Variants in NELL2 observed in about 807,000 individuals in gnomAD.
The protein encoded by NELL2 is neural EGFL like 2, also known as protein kinase C-binding protein NELL2.
In NELL2, 41 loss-of-function variants were observed where a neutral mutation model predicts 109.6. The ratio of observed to expected loss-of-function variants is 0.37; its 90% CI spans 0.29 to 0.49. The LOEUF (loss-of-function observed/expected upper bound fraction) is 0.49, where lower values mean the gene tolerates loss of function less well. Among genes scored for constraint, NELL2 ranks in the 20% least tolerant of loss-of-function variants. The probability of loss-of-function intolerance (pLI) is 0.98; values close to 1 mark genes in which losing one functional copy is unlikely to be tolerated. For synonymous variants in NELL2, 355 were observed against 344.7 expected (o/e 1.03, Z -0.33); for missense variants, 900 against 1,008.3 (o/e 0.89, Z 1.45).
chr12:44,855,282 T>C (rs1944650841), intron 2 of NELL2, among the ~76,000 whole-genome samples: 1 of 152,202 alleles, frequency 6.6e-6, no homozygotes, highest in Non-Finnish European at 1.5e-5. Context: ...TATAGATTCC[T>C]GGGATTCATC....
chr12:44,603,183 G>A (rs1945281439), intron 15 of NELL2, among the ~76,000 whole-genome samples: 1 of 151,314 alleles, frequency 6.6e-6, no homozygotes, highest in Non-Finnish European at 1.5e-5. Flanking sequence ...TTGATATGTG[G>A]CTAAGAAATC....
intron 12 of NELL2, among the ~76,000 whole-genome samples, chr12:44,671,191 C>A (rs1948127615): frequency 6.6e-6 from 1 of 152,082 alleles, no homozygotes; most frequent in Non-Finnish European, 1.5e-5. Context: ...CCTGAGCAAC[C>A]ACTGGGCCAA....
intron 15 of NELL2, among the ~76,000 whole-genome samples, chr12:44,573,270 C>T (rs1943940646): frequency 6.6e-6 from 1 of 151,986 alleles, no homozygotes; most frequent in Admixed American, 6.6e-5. Context: ...TGAGATAGGG[C>T]AGAAAGAAGC....
intron 2 of NELL2, among the ~76,000 whole-genome samples, chr12:44,855,492 G>A (rs748921404): frequency 3.0e-4 from 45 of 152,042 alleles, no homozygotes; most frequent in Admixed American, 7.2e-4. Flanking sequence ...TTTATTGTAC[G>A]GGCTAAAAAT....
intron 8 of NELL2, among the ~76,000 whole-genome samples, chr12:44,775,238 T>TGTGCGTGCACACGCACGCACACACACAG (rs1941709224): frequency 6.7e-6 from 1 of 148,808 alleles, no homozygotes; most frequent in African/African-American, 2.6e-5. Flanking sequence ...CACACACACA[T>TGTGCGTGCACACGCACGCACACACACAG]GCATGTGCGT....
chr12:44,546,496 A>G (rs1306273851), intron 15 of NELL2, among the ~76,000 whole-genome samples: 3 of 152,180 alleles, frequency 2.0e-5, no homozygotes, highest in African/African-American at 7.2e-5. Context: ...GGAAAAATAT[A>G]CCAACTGAGC....
intron 9 of NELL2, among the ~76,000 whole-genome samples, chr12:44,773,576 T>C (rs1400513918): frequency 6.6e-6 from 1 of 152,206 alleles, no homozygotes; most frequent in Admixed American, 6.5e-5. Flanking sequence ...TTCCTTCCTC[T>C]TTCTAACCAC....
intron 19 of NELL2, among the ~76,000 whole-genome samples, chr12:44,513,952 C>CAA (rs150651038): frequency 0.028 from 3,492 of 122,906 alleles, 143 homozygotes; most frequent in African/African-American, 0.09. Context: ...AAATAAAGAC[C>CAA]AAAAAAAAAA....
intron 2 of NELL2, among the ~76,000 whole-genome samples, chr12:44,858,598 A>C (rs1362011602): frequency 1.3e-5 from 2 of 152,198 alleles, no homozygotes; most frequent in African/African-American, 2.4e-5. Flanking sequence ...ATCAATATCC[A>C]AGTCTCTACA....
intron 17 of NELL2, 23 bp from the exon 18 acceptor site, chr12:44,522,199 A>T: frequency 6.2e-7 from 1 of 1,607,580 alleles, no homozygotes; most frequent in Non-Finnish European, 8.5e-7. Flanking sequence ...GAAAAAAAGC[A>T]GTTACCAAAA....
In NELL2 at chr12:44,779,959, A is replaced by T; in HGVS notation, c.399T>A (p.Ser133Arg). The T allele has an allele frequency of 6.2e-7, 1 of 1,613,948 alleles. No individual in the cohort carries two copies. The highest frequency in any genetic ancestry group is 1.3e-5 in the African/African-American group (1 of 75,048). ...NEVRLHYRSG[S>R]HRPHTEVFPY... Reference sequence around the variant, plus strand: ...GAAACACTTCTGTGTGAGGGCGGTGACTGCCTGAGCGGTAATGCAGTCTGA... The same window carrying T: ...GAAACACTTCTGTGTGAGGGCGGTGTCTGCCTGAGCGGTAATGCAGTCTGA... The change falls in exon 4 of 20, where the codon AGT (serine) becomes AGA (arginine). Residue 133 changes from serine (S) to arginine (R), a missense_variant. Coordinates refer to ENST00000429094, the MANE Select transcript of NELL2 (RefSeq NM_001145108.2).
chr12:44,861,718 C>A (rs1944849779), intron 2 of NELL2, among the ~76,000 whole-genome samples: 1 of 152,230 alleles, frequency 6.6e-6, no homozygotes, highest in Admixed American at 6.5e-5. Context: ...TCCAGGCTAG[C>A]CCCACAGACC....
At chr12:44,684,872 T>C (rs1259036114) in intron 12 of NELL2, among the ~76,000 whole-genome samples, 1 of 152,116 alleles carries the variant, frequency 6.6e-6, no homozygotes, top group Non-Finnish European at 1.5e-5. Flanking sequence ...TGTGGTGTGG[T>C]GCTGAAAAAA....
At chr12:44,589,384 T>TTTTATTTATTTA (rs35746362) in intron 15 of NELL2, among the ~76,000 whole-genome samples, 5 of 149,892 alleles carry the variant, frequency 3.3e-5, no homozygotes, top group South Asian at 2.1e-4. Flanking sequence ...GAGACACTAC[T>TTTTATTTATTTA]TTTATTTATT....
In NELL2 at chr12:44,607,251, A is replaced by G; in HGVS notation, c.1581T>C (p.Asp527=). Reference sequence around the variant, plus strand: ...TACAGGCTCCTCCATTCCTACAGCCATCTTTGCAAAATGCTAAAATAATTC... The same window carrying G: ...TACAGGCTCCTCCATTCCTACAGCCGTCTTTGCAAAATGCTAAAATAATTC... The part of the protein sequence containing the change: ...NGTTCKAFCK[D]GCRNGGACIA... The change falls in exon 15 of 20, where the codon GAT becomes GAC. Residue 527 remains aspartate, a synonymous_variant. Coordinates refer to ENST00000429094, the MANE Select transcript of NELL2 (RefSeq NM_001145108.2). The G allele has an allele frequency of 6.2e-7, 1 of 1,612,180 alleles. No individual in the cohort carries two copies. Among genetic ancestry groups the G allele is most frequent in the Non-Finnish European group, 8.5e-7 (1 of 1,179,000 alleles).
At chr12:44,673,607 C>T (rs894413065) in intron 12 of NELL2, among the ~76,000 whole-genome samples, 4 of 152,154 alleles carry the variant, frequency 2.6e-5, no homozygotes, top group African/African-American at 9.7e-5. Context: ...AAAGAGTGCC[C>T]CACTGGGCCA....
intron 15 of NELL2, among the ~76,000 whole-genome samples, chr12:44,559,518 G>A (rs533719901): frequency 4.6e-5 from 7 of 152,070 alleles, no homozygotes; most frequent in African/African-American, 1.7e-4. Flanking sequence ...AAAACATCAG[G>A]GGTTGCAATC....
intron 2 of NELL2, among the ~76,000 whole-genome samples, chr12:44,855,124 A>T (rs553921608): frequency 3.9e-5 from 6 of 152,320 alleles, no homozygotes; most frequent in African/African-American, 1.4e-4. Flanking sequence ...GTATTTCTAT[A>T]CTTATATCAC....
intron 3 of NELL2, among the ~76,000 whole-genome samples, chr12:44,791,073 A>ATG: frequency 1.3e-4 from 1 of 7,816 alleles, no homozygotes; most frequent in African/African-American, 2.3e-4. Flanking sequence ...AAGTATATAT[A>ATG]TATATATACA....
Sources: allele counts gnomAD v4.1 joint callset (sites outside exome capture counted in the v4.1 genomes callset), GRCh38; gene constraint gnomAD v4.1.1; transcripts MANE v1.5; gene names NCBI Gene and HGNC (gene_info 2026-07-23, HGNC 2026-07-21).